Variants in TMEM178B observed in about 807,000 individuals in gnomAD.
The protein encoded by TMEM178B is transmembrane protein 178B.
TMEM178B carries 5 observed loss-of-function variants against 31.0 expected under a neutral mutation model. That is an observed-to-expected ratio of 0.16 (90% CI 0.08 to 0.34). The LOEUF is 0.34. TMEM178B is among the 10% of genes least tolerant of loss of function. TMEM178B has a pLI of 1.00. For synonymous variants in TMEM178B, 164 were observed against 164.0 expected, an observed-to-expected ratio of 1.00 and a Z score of 0.00; for missense variants, 275 against 400.3, an observed-to-expected ratio of 0.69 and a Z score of 2.67.
chr7:141,157,111 G>A (rs1328268316), intron 1 of TMEM178B, among the ~76,000 whole-genome samples: 2 of 152,102 alleles, frequency 1.3e-5, no homozygotes, highest in Non-Finnish European at 2.9e-5. Flanking sequence ...TGGAGGCCTG[G>A]GGGAGCTGAG....
At chr7:141,388,829 A>G (rs536690548) in intron 2 of TMEM178B, among the ~76,000 whole-genome samples, 2 of 152,332 alleles carry the variant, frequency 1.3e-5, no homozygotes, top group South Asian at 2.1e-4. Flanking sequence ...AGATCTACAT[A>G]CATAAACAAA....
the TMEM178B span, among the ~76,000 whole-genome samples, chr7:141,508,615 C>T: frequency 1.3e-5 from 2 of 152,196 alleles, no homozygotes; most frequent in Non-Finnish European, 2.9e-5. Context: ...ACTTACAGTT[C>T]CACATGGCTG....
chr7:141,208,618 G>A (rs1340369330), intron 1 of TMEM178B, among the ~76,000 whole-genome samples: 3 of 152,208 alleles, frequency 2.0e-5, no homozygotes, highest in African/African-American at 7.2e-5. Flanking sequence ...GGCCTGAAGC[G>A]GGGCTGTGGT....
chr7:141,166,992 C>A (rs1796273129), intron 1 of TMEM178B, among the ~76,000 whole-genome samples: 1 of 152,182 alleles, frequency 6.6e-6, no homozygotes, highest in African/African-American at 2.4e-5. Context: ...AGATTCGTAT[C>A]TATCACTTAA....
chr7:141,194,461 C>T (rs1457624689), intron 1 of TMEM178B, among the ~76,000 whole-genome samples: 3 of 152,160 alleles, frequency 2.0e-5, no homozygotes, highest in African/African-American at 7.2e-5. Context: ...TGTTAAAGCT[C>T]CAAAATGATC....
intron 2 of TMEM178B, among the ~76,000 whole-genome samples, chr7:141,309,251 A>G (rs1798867744): frequency 6.6e-6 from 1 of 152,220 alleles, no homozygotes; most frequent in Non-Finnish European, 1.5e-5. Context: ...TTTTCTGTAC[A>G]TAATGCAGAT....
intron 2 of TMEM178B, among the ~76,000 whole-genome samples, chr7:141,302,187 A>G (rs367784703): frequency 2.2e-4 from 34 of 152,342 alleles, no homozygotes; most frequent in African/African-American, 7.5e-4. Context: ...TTAATTTTAA[A>G]ATGCAAAGAT....
chr7:141,173,906 G>T (rs767341806), intron 1 of TMEM178B, among the ~76,000 whole-genome samples: 3 of 152,188 alleles, frequency 2.0e-5, no homozygotes, highest in Non-Finnish European at 2.9e-5. Flanking sequence ...GACCATGAAA[G>T]TGTGAGAAGT....
intron 2 of TMEM178B, among the ~76,000 whole-genome samples, chr7:141,428,214 A>C (rs1451497331): frequency 6.6e-6 from 1 of 151,918 alleles, no homozygotes; most frequent in Non-Finnish European, 1.5e-5. Flanking sequence ...AAATACAAAA[A>C]AAAATTAGCT....
At chr7:141,273,467 G>A (rs1187939829) in intron 2 of TMEM178B, among the ~76,000 whole-genome samples, 1 of 152,088 alleles carries the variant, frequency 6.6e-6, no homozygotes. Context: ...AACCCTGAGG[G>A]TCCTTGGAAT....
At chr7:141,437,854 G>A (rs914351946) in intron 3 of TMEM178B, 109 bp downstream of exon 3, 8 of 1,414,582 alleles carry the variant, frequency 5.7e-6, no homozygotes, top group Middle Eastern at 1.9e-4. Context: ...CGTGACTGGG[G>A]TTCTCATTCA....
chr7:141,347,977 A>G (rs1185148652), intron 2 of TMEM178B, among the ~76,000 whole-genome samples: 2 of 152,222 alleles, frequency 1.3e-5, no homozygotes, highest in African/African-American at 4.8e-5. Flanking sequence ...TAATTTCCAA[A>G]GGTCCACCTC....
intron 2 of TMEM178B, among the ~76,000 whole-genome samples, chr7:141,321,991 TCG>T (rs1399628170): frequency 3.2e-5 from 4 of 123,768 alleles, no homozygotes; most frequent in Middle Eastern, 3.9e-3. Flanking sequence ...GTGGAGCTCC[TCG>T]TTCTGTTTTG....
At position 141,074,899 on chromosome 7, in the gene TMEM178B, G is replaced by T. The variant is rs1794572517; in HGVS notation, c.382+207G>T. Among the ~76,000 whole-genome samples the T allele has an allele frequency of 6.6e-6, 1 of 152,202 alleles. No homozygotes were observed. Among genetic ancestry groups the T allele is most frequent in the Non-Finnish European group, 1.5e-5 (1 of 68,038 alleles). On this transcript the variant is annotated intron_variant, in intron 1 of 3. Coordinates refer to ENST00000565468, the MANE Select transcript of TMEM178B (RefSeq NM_001195278.2). The surrounding 1 kb of genome is among the most constrained non-coding windows in gnomAD (Gnocchi z 5.1). The stretch of plus-strand genomic sequence containing the variant: ...TGGTGCAGGCTTAACTCTCTCCCCT[G>T]CCTCTCCTTTCGCGCGTCTCTGTCG...
chr7:141,377,130 A>G (rs1800228881), intron 2 of TMEM178B, among the ~76,000 whole-genome samples: 1 of 151,480 alleles, frequency 6.6e-6, no homozygotes, highest in African/African-American at 2.4e-5. Context: ...ATATTTTGTA[A>G]TTTTCTGTAA....
chr7:141,233,548 C>A (rs576662860), intron 2 of TMEM178B, among the ~76,000 whole-genome samples: 44 of 152,266 alleles, frequency 2.9e-4, no homozygotes, highest in African/African-American at 1.1e-3. Flanking sequence ...GCACAGGCAC[C>A]TGTTAAGAGC....
At position 141,461,314 on chromosome 7, in the gene TMEM178B, A is replaced by G. The variant is rs1459637808; in HGVS notation, c.635-9222A>G. Among the ~76,000 whole-genome samples, 1 of 152,222 alleles carries G rather than the reference A, an allele frequency of 6.6e-6. No individual in the cohort carries two copies. The highest frequency in any genetic ancestry group is 1.5e-5 in the Non-Finnish European group (1 of 68,050). On this transcript the variant is annotated intron_variant, in intron 3 of 3. Coordinates refer to ENST00000565468, the MANE Select transcript of TMEM178B (RefSeq NM_001195278.2). This position sits in a 1 kb window ranked among gnomAD's most constrained non-coding sequence, Gnocchi z 4.0. ...GTCAGAACATAGGCCCTCTCTCCAC[A>G]TAGCAACAAGAGAGGAAGCCAGGAT...
At chr7:141,237,301 A>C (rs1193303079) in intron 2 of TMEM178B, among the ~76,000 whole-genome samples, 2 of 152,256 alleles carry the variant, frequency 1.3e-5, no homozygotes, top group Non-Finnish European at 2.9e-5. Flanking sequence ...GAGAGTTTTA[A>C]ATTCAAATTG....
chr7:141,361,131 A>G (rs1183125021), intron 2 of TMEM178B, among the ~76,000 whole-genome samples: 3 of 152,186 alleles, frequency 2.0e-5, no homozygotes, highest in Non-Finnish European at 4.4e-5. Flanking sequence ...AACTGTTTCA[A>G]GGGAAGCAGT....
Sources: allele counts gnomAD v4.1 joint callset (sites outside exome capture counted in the v4.1 genomes callset), GRCh38; gene constraint gnomAD v4.1.1; non-coding constraint Gnocchi (gnomAD v3.1); transcripts MANE v1.5; gene names NCBI Gene and HGNC (gene_info 2026-07-23, HGNC 2026-07-21).